Variants in ABCC9 observed in about 807,000 individuals in gnomAD.
ABCC9 encodes ATP binding cassette subfamily C member 9, also known as ATP-binding cassette sub-family C member 9.
A neutral mutation model predicts 188.3 loss-of-function variants in ABCC9; 95 were observed. The observed-to-expected ratio is 0.50, with a 90% CI of 0.43 to 0.60. The LOEUF (loss-of-function observed/expected upper bound fraction) is 0.60, where lower values mean the gene tolerates loss of function less well. Among genes scored for constraint, ABCC9 ranks in the 20% least tolerant of loss-of-function variants. The probability of loss-of-function intolerance (pLI) is 0.00; values close to 1 mark genes in which losing one functional copy is unlikely to be tolerated. For missense variants in ABCC9, 1,102 were observed against 1,876.3 expected (o/e 0.59, Z 7.62); for synonymous variants, 659 against 652.7 (o/e 1.01, Z -0.15).
rs1309452993 is a variant in ABCC9 at position 21,799,153 on chromosome 12, C to G, written c.*1891G>C. On this transcript the variant is annotated 3_prime_UTR_variant, in exon 40 of 40. Coordinates refer to ENST00000261200, the MANE Select transcript of ABCC9 (RefSeq NM_020297.4). ...GGGAGATATACCTAATGCTAGATGA[C>G]GAGTTAGTGGGTGCAGCGCACCAGC... 1 of 147,532 alleles carries G rather than the reference C, an allele frequency of 6.8e-6. No individual in the cohort carries two copies. The highest frequency in any genetic ancestry group is 6.8e-5 in the Admixed American group (1 of 14,620). The allele number at this position is 147,532 out of a possible 1,614,324, so 9.1% of individuals were successfully genotyped here.
At chr12:21,910,784 A>T (rs1948287836) in intron 9 of ABCC9, 42 bp downstream of exon 9, 1 of 1,559,506 alleles carries the variant, frequency 6.4e-7, no homozygotes, top group South Asian at 1.1e-5. Context: ...AATGGTATAT[A>T]GCATTCTTAG....
chr12:21,827,855 A>G (rs1469809682), intron 31 of ABCC9, among the ~76,000 whole-genome samples: 6 of 152,244 alleles, frequency 3.9e-5, no homozygotes, highest in Non-Finnish European at 8.8e-5. Flanking sequence ...GTTGAGGAGA[A>G]TCTCTGTAAA....
chr12:21,872,531 G>T, intron 18 of ABCC9, 94 bp downstream of exon 18: 1 of 1,008,192 alleles, frequency 9.9e-7, no homozygotes, highest in Non-Finnish European at 1.6e-6. Context: ...GGTCTTCAGA[G>T]TCAGAACATG....
intron 14 of ABCC9, among the ~76,000 whole-genome samples, chr12:21,888,317 T>G (rs1296982280): frequency 6.6e-6 from 1 of 152,144 alleles, no homozygotes; most frequent in African/African-American, 2.4e-5. Flanking sequence ...CCTCTTAGTA[T>G]TCTAGTTTTA....
rs61926065 is a variant in ABCC9, at chr12:21,836,685, G to A, written c.3566+1393C>T. Among the ~76,000 whole-genome samples the A allele has an allele frequency of 7.0e-3, 1,063 of 151,986 alleles. 11 individuals are homozygous for A. Among genetic ancestry groups the A allele is most frequent in the Non-Finnish European group, 0.011 (761 of 67,968 alleles). On this transcript the variant is annotated intron_variant, in intron 30 of 39. Transcript: ENST00000261200. ...CTGTGAGCTCCTTAACACAGCCCAT[G>A]TTAGCTACTTAGTCAATATATATTT...
At chr12:21,936,448 A>G in intron 3 of ABCC9, 85 bp downstream of exon 3, 4 of 1,234,886 alleles carry the variant, frequency 3.2e-6, no homozygotes, top group Non-Finnish European at 4.6e-6. Context: ...TGTTACAGAA[A>G]TTAAGTCAAC....
rs138356189 is a variant in ABCC9 at position 21,915,686 on chromosome 12, A to G, written c.798T>C (p.Asp266=). The G allele has an allele frequency of 2.0e-4, 329 of 1,611,902 alleles. 2 individuals carry two copies. The African/African-American group carries it at 3.9e-3, about 19-fold the overall frequency. Residue 266 remains aspartate, a synonymous_variant, in exon 7 of 40, where the codon GAT becomes GAC. Transcript: ENST00000261200. ...AAATCACCTTTTGTTCTTCATATGC[A>G]TCTTTCAGGCAAACATAATTTGTTA... ...RAVTNYVCLK[D]AYEEQKKKVA...
intron 5 of ABCC9, among the ~76,000 whole-genome samples, chr12:21,921,055 A>G (rs1242324881): frequency 6.6e-6 from 1 of 152,052 alleles, no homozygotes; most frequent in Non-Finnish European, 1.5e-5. Flanking sequence ...TCTGTTCGAT[A>G]TACTGATTTC....
intron 24 of ABCC9, among the ~76,000 whole-genome samples, chr12:21,851,273 C>T (rs1811447912): frequency 6.6e-6 from 1 of 152,012 alleles, no homozygotes. Flanking sequence ...AGAGTTTTTC[C>T]TCTTTTGTTG....
chr12:21,844,359 A>G, intron 28 of ABCC9, 124 bp downstream of exon 28: 2 of 795,144 alleles, frequency 2.5e-6, no homozygotes, highest in Non-Finnish European at 4.3e-6. Flanking sequence ...ACAAATACAA[A>G]TGGGCCTTTA....
At chr12:21,815,422 C>G (rs1038026172) in intron 34 of ABCC9, among the ~76,000 whole-genome samples, 2 of 151,598 alleles carry the variant, frequency 1.3e-5, no homozygotes, top group Admixed American at 1.3e-4. Context: ...TTTACAATAA[C>G]TAAAAGAAGT....
chr12:21,842,280 CT>C, intron 29 of ABCC9, 33 bp downstream of exon 29: 1 of 1,606,752 alleles, frequency 6.2e-7, no homozygotes, highest in Non-Finnish European at 8.5e-7. Flanking sequence ...TGTAGATAAG[CT>C]TTTGAAAATG....
chr12:21,877,758 T>C (rs1946433565), intron 16 of ABCC9, among the ~76,000 whole-genome samples: 1 of 152,030 alleles, frequency 6.6e-6, no homozygotes, highest in South Asian at 2.1e-4. Context: ...ATAGCTACTG[T>C]AGGTTTGGAA....
chr12:21,912,956 TA>T lies in ABCC9; in HGVS notation c.926del (p.Leu309TyrfsTer13). On this transcript the variant is annotated frameshift_variant, in exon 8 of 40. Coordinates refer to ENST00000261200, the MANE Select transcript of ABCC9 (RefSeq NM_020297.4). LOFTEE classifies it high-confidence loss of function. Reference protein sequence around the residue: ...LSSTFRYLADLLGFAGPLCIS... With the variant: ...LSSTFRYLADXLGFAGPLCIS... ...TACAAAGAGGTCCAGCAAAACCCAG[TA>T]AATCAGCCAGATAGCGGAATGTGCT... The T allele has an allele frequency of 6.2e-7, 1 of 1,613,492 alleles. No individual in the cohort carries two copies. Among genetic ancestry groups the T allele is most frequent in the South Asian group, 1.1e-5 (1 of 91,072 alleles).
At chr12:21,915,998 C>T in intron 6 of ABCC9, 88 bp from the exon 7 acceptor site, 2 of 1,389,412 alleles carry the variant, frequency 1.4e-6, no homozygotes, top group Non-Finnish European at 2.0e-6. Context: ...TCTACATTTT[C>T]ATTTCAGGTG....
In ABCC9 at chr12:21,831,477, A is replaced by G. The variant is rs527838526; in HGVS notation, c.3567-2417T>C. ...GTCAACTGTCTAGTGAAGGGAGGAA[A>G]CACAGCATTAACAAGTAAAAATGGT... On this transcript the variant is annotated intron_variant, in intron 30 of 39. Coordinates refer to ENST00000261200, the MANE Select transcript of ABCC9 (RefSeq NM_020297.4). Among the ~76,000 whole-genome samples, 4 of 152,240 alleles carry G rather than the reference A, an allele frequency of 2.6e-5. 1 individual carries two copies. In the South Asian group the frequency reaches 8.3e-4, roughly 32 times the overall value.
intron 39 of ABCC9, among the ~76,000 whole-genome samples, chr12:21,805,673 C>T (rs894249743): frequency 1.3e-5 from 2 of 152,092 alleles, no homozygotes; most frequent in Non-Finnish European, 2.9e-5. Flanking sequence ...GCTCATCAGA[C>T]CATCAGATTA....
chr12:21,923,112 A>G (rs1948901564), intron 5 of ABCC9: 1 of 150,548 alleles, frequency 6.6e-6, no homozygotes, highest in Non-Finnish European at 1.5e-5. Flanking sequence ...TTTGACACCT[A>G]TCTTACACCA....
At chr12:21,873,220 A>T (rs945781299) in intron 17 of ABCC9, among the ~76,000 whole-genome samples, 2 of 151,970 alleles carry the variant, frequency 1.3e-5, no homozygotes, top group Non-Finnish European at 2.9e-5. Flanking sequence ...AAATATTTCT[A>T]TTCAATTATA....
Sources: gnomAD v4.1 joint callset for allele counts (sites outside exome capture counted in the v4.1 genomes callset) on GRCh38, gnomAD v4.1.1 for gene constraint, MANE v1.5 for transcripts, NCBI Gene and HGNC (gene_info 2026-07-23, HGNC 2026-07-21) for gene names.